ATXN7L1: variants seen among roughly 807,000 people sequenced by gnomAD.
The protein encoded by ATXN7L1 is ataxin-7-like protein 1.
Under a neutral mutation model 70.8 loss-of-function variants are expected in ATXN7L1, and 15 were observed. The observed-to-expected ratio is 0.21, with a 90% CI of 0.14 to 0.33. The LOEUF (loss-of-function observed/expected upper bound fraction) is 0.33. Ranked by LOEUF, ATXN7L1 falls within the 10% of genes least tolerant of loss-of-function variation. The pLI, the probability that ATXN7L1 is intolerant of heterozygous loss-of-function variation, is 1.00. For synonymous variants in ATXN7L1, 440 were observed against 445.1 expected (o/e 0.99, Z 0.14); for missense variants, 975 against 1,097.1 (o/e 0.89, Z 1.57).
chr7:105,829,259 TA>T (rs1811271056), intron 2 of ATXN7L1, among the ~76,000 whole-genome samples: 1 of 145,740 alleles, frequency 6.9e-6, no homozygotes, highest in Admixed American at 7.1e-5. Flanking sequence ...CCATCTCTAC[TA>T]AAAATACAAA....
intron 3 of ATXN7L1, among the ~76,000 whole-genome samples, chr7:105,733,724 AT>A: frequency 7.3e-6 from 1 of 137,558 alleles, no homozygotes. Context: ...CCATCCATCC[AT>A]CCTTCCATCC....
chr7:105,816,764 GTTC>G (rs1387889010), intron 2 of ATXN7L1, among the ~76,000 whole-genome samples: 1 of 152,262 alleles, frequency 6.6e-6, no homozygotes, highest in Non-Finnish European at 1.5e-5. Context: ...ACTCTAAGGA[GTTC>G]TAAGCTAAGT....
intron 3 of ATXN7L1, among the ~76,000 whole-genome samples, chr7:105,733,897 CATCCATCATCCATCA>C (rs1797076494): frequency 7.2e-6 from 1 of 138,464 alleles, no homozygotes; most frequent in Admixed American, 7.2e-5. Context: ...ATCATCCATC[CATCCATCATCCATCA>C]TCCATCCATC....
chr7:105,840,625 C>A (rs552126334), intron 2 of ATXN7L1, among the ~76,000 whole-genome samples: 1 of 152,292 alleles, frequency 6.6e-6, no homozygotes, highest in South Asian at 2.1e-4. Flanking sequence ...CCAGAGCTTA[C>A]AACCCAGCTG....
intron 2 of ATXN7L1, among the ~76,000 whole-genome samples, chr7:105,836,393 G>A (rs1179435776): frequency 6.6e-6 from 1 of 152,108 alleles, no homozygotes; most frequent in Non-Finnish European, 1.5e-5. Context: ...AAAAACAACC[G>A]AACAAATGAG....
chr7:105,817,558 G>A (rs970824023), intron 2 of ATXN7L1, among the ~76,000 whole-genome samples: 1 of 151,944 alleles, frequency 6.6e-6, no homozygotes, highest in African/African-American at 2.4e-5. Flanking sequence ...TATCTGGATC[G>A]GTCTGTCTCT....
At chr7:105,657,085 G>T (rs1045606262) in intron 4 of ATXN7L1, among the ~76,000 whole-genome samples, 1 of 152,138 alleles carries the variant, frequency 6.6e-6, no homozygotes, top group South Asian at 2.1e-4. Flanking sequence ...GGTCCAGTAT[G>T]GGTTGGCACT....
At chr7:105,607,965 A>G in intron 11 of ATXN7L1, 75 bp from the exon 12 acceptor site, 2 of 1,349,206 alleles carry the variant, frequency 1.5e-6, no homozygotes, top group South Asian at 1.3e-5. Flanking sequence ...AAGGATGGAG[A>G]CTTAGTTTTC....
At chr7:105,754,763 T>C (rs1459547429) in intron 3 of ATXN7L1, among the ~76,000 whole-genome samples, 2 of 152,228 alleles carry the variant, frequency 1.3e-5, no homozygotes, top group Non-Finnish European at 2.9e-5. Flanking sequence ...CTCAGTCTAT[T>C]GGTTCATTTT....
At chr7:105,770,694 C>A (rs982004513) in intron 3 of ATXN7L1, among the ~76,000 whole-genome samples, 1 of 152,158 alleles carries the variant, frequency 6.6e-6, no homozygotes, top group Non-Finnish European at 1.5e-5. Context: ...AGAGACCCTG[C>A]CAGACCTTAA....
intron 2 of ATXN7L1, among the ~76,000 whole-genome samples, chr7:105,823,870 A>G (rs1810492238): frequency 6.6e-6 from 1 of 152,172 alleles, no homozygotes; most frequent in South Asian, 2.1e-4. Flanking sequence ...AACCCTTGGG[A>G]GGCCTGGGAG....
At chr7:105,690,130 G>A (rs1156431595) in intron 3 of ATXN7L1, among the ~76,000 whole-genome samples, 17 of 151,960 alleles carry the variant, frequency 1.1e-4, no homozygotes, top group Non-Finnish European at 1.6e-4. Context: ...TCAGCCTCCC[G>A]AGTAGCTGGG....
intron 2 of ATXN7L1, among the ~76,000 whole-genome samples, chr7:105,860,967 T>C (rs951435855): frequency 8.5e-5 from 13 of 152,142 alleles, no homozygotes; most frequent in African/African-American, 2.9e-4. Flanking sequence ...GGGGGCAAAG[T>C]ACACGCTGGG....
At chr7:105,681,018 C>G (rs1805477957) in intron 3 of ATXN7L1, among the ~76,000 whole-genome samples, 1 of 152,210 alleles carries the variant, frequency 6.6e-6, no homozygotes, top group African/African-American at 2.4e-5. Flanking sequence ...CGTAAGTTCT[C>G]AGCAAACATG....
intron 3 of ATXN7L1, among the ~76,000 whole-genome samples, chr7:105,710,756 A>G (rs77317079): frequency 0.11 from 16,858 of 152,182 alleles, 1,292 homozygotes; most frequent in African/African-American, 0.21. Context: ...GGCCAGTGCC[A>G]CACACTTTTA....
At chr7:105,865,440 T>C (rs2116665036) in intron 2 of ATXN7L1, among the ~76,000 whole-genome samples, 1 of 151,916 alleles carries the variant, frequency 6.6e-6, no homozygotes, top group South Asian at 2.1e-4. Flanking sequence ...CTCGCTGTGT[T>C]GCCCAGGCTG....
chr7:105,823,096 T>A (rs1248204556), intron 2 of ATXN7L1, among the ~76,000 whole-genome samples: 1 of 146,740 alleles, frequency 6.8e-6, no homozygotes, highest in Admixed American at 6.9e-5. Flanking sequence ...CCCTTTATCT[T>A]TTTTTTTTTT....
At chr7:105,653,412 C>T (rs1347427039) in intron 4 of ATXN7L1, among the ~76,000 whole-genome samples, 1 of 152,214 alleles carries the variant, frequency 6.6e-6, no homozygotes, top group Non-Finnish European at 1.5e-5. Context: ...CGTGTCACAG[C>T]ACTCCAGCCT....
chr7:105,868,289 G>A (rs1200807155), intron 2 of ATXN7L1, among the ~76,000 whole-genome samples: 1 of 152,096 alleles, frequency 6.6e-6, no homozygotes, highest in Non-Finnish European at 1.5e-5. Context: ...CTGTACTTTC[G>A]CCACCAGGCT....
Sources: gnomAD v4.1 joint callset for allele counts (sites outside exome capture counted in the v4.1 genomes callset) on GRCh38, gnomAD v4.1.1 for gene constraint, MANE v1.5 for transcripts, NCBI Gene and HGNC (gene_info 2026-07-23, HGNC 2026-07-21) for gene names.